NCK1: variants seen among roughly 807,000 people sequenced by gnomAD.
The protein encoded by NCK1 is SH2/SH3 adapter protein NCK1.
Under a neutral mutation model 36.6 loss-of-function variants are expected in NCK1, and 19 were observed. That is an observed-to-expected ratio of 0.52 (90% CI 0.36 to 0.76). The LOEUF is 0.76. NCK1 is among the 30% of genes least tolerant of loss of function. The probability of loss-of-function intolerance (pLI) is 0.00; values close to 1 mark genes in which losing one functional copy is unlikely to be tolerated. For missense variants in NCK1, 358 were observed against 445.6 expected (o/e 0.80, Z 1.77); for synonymous variants, 165 against 156.0 (o/e 1.06, Z -0.43).
intron 1 of NCK1, among the ~76,000 whole-genome samples, chr3:136,863,491 G>A (rs1938309447): frequency 6.6e-6 from 1 of 152,082 alleles, no homozygotes; most frequent in Admixed American, 6.6e-5. Context: ...TCTTGTGGGG[G>A]GTGGAGTCTG....
chr3:136,877,053 A>G (rs1279707001), intron 1 of NCK1, among the ~76,000 whole-genome samples: 1 of 152,210 alleles, frequency 6.6e-6, no homozygotes. Context: ...GGAGAATTAG[A>G]CAAATCCATA....
At chr3:136,875,483 A>G (rs1938740334) in intron 1 of NCK1, among the ~76,000 whole-genome samples, 1 of 152,240 alleles carries the variant, frequency 6.6e-6, no homozygotes, top group Non-Finnish European at 1.5e-5. Context: ...GGAAAACAAA[A>G]AAAGGCAGGG....
chr3:136,901,819 C>T (rs1939548386), intron 1 of NCK1, among the ~76,000 whole-genome samples: 1 of 151,974 alleles, frequency 6.6e-6, no homozygotes, highest in Admixed American at 6.6e-5. Flanking sequence ...TTCAAAAAAT[C>T]AGCTTTTTGT....
chr3:136,921,914 G>T (rs954128532), intron 1 of NCK1, among the ~76,000 whole-genome samples: 1 of 152,190 alleles, frequency 6.6e-6, no homozygotes, highest in African/African-American at 2.4e-5. Context: ...CTCCTGAGTA[G>T]CTGGGACTAC....
intron 1 of NCK1, among the ~76,000 whole-genome samples, chr3:136,889,989 G>T (rs757488040): frequency 6.6e-6 from 1 of 152,208 alleles, no homozygotes; most frequent in African/African-American, 2.4e-5. Flanking sequence ...CCAGTCCTGC[G>T]CTGTGTGCCC....
At chr3:136,917,242 T>TTG in intron 1 of NCK1, among the ~76,000 whole-genome samples, 2 of 151,736 alleles carry the variant, frequency 1.3e-5, no homozygotes, top group East Asian at 3.9e-4. Context: ...CTTTTTTTTT[T>TTG]TTTTTGCTTA....
intron 1 of NCK1, among the ~76,000 whole-genome samples, chr3:136,869,735 A>G (rs1404361052): frequency 1.3e-5 from 2 of 152,150 alleles, no homozygotes; most frequent in East Asian, 3.9e-4. Context: ...AGCATAGAAG[A>G]CTATCAGGTA....
intron 1 of NCK1, among the ~76,000 whole-genome samples, chr3:136,880,815 C>G (rs971999900): frequency 3.3e-5 from 5 of 152,074 alleles, no homozygotes; most frequent in Non-Finnish European, 7.4e-5. Flanking sequence ...CACTTCTTTG[C>G]CCTGGCTGGT....
chr3:136,914,373 C>G (rs1000309465), intron 1 of NCK1, among the ~76,000 whole-genome samples: 1 of 152,184 alleles, frequency 6.6e-6, no homozygotes, highest in Non-Finnish European at 1.5e-5. Context: ...CTGGAACTTG[C>G]AAGCCTTAGA....
At chr3:136,907,211 C>G (rs1169979858) in intron 1 of NCK1, among the ~76,000 whole-genome samples, 1 of 152,174 alleles carries the variant, frequency 6.6e-6, no homozygotes, top group Non-Finnish European at 1.5e-5. Flanking sequence ...GGGTCCCCCT[C>G]TGCTGCAGTG....
At chr3:136,868,511 A>G (rs576484209) in intron 1 of NCK1, among the ~76,000 whole-genome samples, 1 of 151,204 alleles carries the variant, frequency 6.6e-6, no homozygotes, top group South Asian at 2.1e-4. Context: ...TATTTTTAGC[A>G]GAGACAGGGT....
At position 136,950,691 on chromosome 3, in the gene NCK1, C is replaced by T. The variant is rs752742130; in HGVS notation, c.*2238C>T. Among the ~76,000 whole-genome samples, 3 of 152,106 alleles carry T rather than the reference C, an allele frequency of 2.0e-5. No homozygotes were observed. The highest frequency in any genetic ancestry group is 4.4e-5 in the Non-Finnish European group (3 of 67,996). ...GAAACCAAGTTTCCTTATTCCCAGC[C>T]TGGTGTCTGTATCGTGACACACTAC... On this transcript the variant is annotated 3_prime_UTR_variant, in exon 4 of 4. Coordinates refer to ENST00000481752, the MANE Select transcript of NCK1 (RefSeq NM_001291999.2).
intron 1 of NCK1, among the ~76,000 whole-genome samples, chr3:136,877,907 A>G (rs767628712): frequency 6.6e-6 from 1 of 152,162 alleles, no homozygotes; most frequent in Non-Finnish European, 1.5e-5. Flanking sequence ...GCCCCAAAGT[A>G]GAAGCAACTC....
intron 1 of NCK1, among the ~76,000 whole-genome samples, chr3:136,864,965 G>C (rs1018157803): frequency 7.7e-5 from 8 of 104,462 alleles, no homozygotes; most frequent in Non-Finnish European, 1.2e-4. Flanking sequence ...TCTTTTGTTT[G>C]TTTTTTTTTT....
Position 136,917,589 on chromosome 3 carries a change from A to G in NCK1, c.-18-10395A>G, listed in dbSNP as rs971828429. On this transcript the variant is annotated intron_variant, in intron 1 of 3. Coordinates refer to ENST00000481752, the MANE Select transcript of NCK1 (RefSeq NM_001291999.2). ...CAATTTAGAGATAATAGTAAAAGGG[A>G]AATAAAGGATAGTTCATATCTTACA... Among the ~76,000 whole-genome samples the G allele has an allele frequency of 3.9e-5, 6 of 152,328 alleles. No individual in the cohort carries two copies. The East Asian group carries it at 1.2e-3, about 29-fold the overall frequency.
intron 2 of NCK1, among the ~76,000 whole-genome samples, chr3:136,937,403 T>G (rs560390297): frequency 6.6e-6 from 1 of 152,322 alleles, no homozygotes; most frequent in East Asian, 1.9e-4. Context: ...GGGAGAGTCC[T>G]CCCACTTGAT....
chr3:136,882,253 A>T lies in NCK1; in HGVS notation c.-19+19900A>T, dbSNP rs149908030. On this transcript the variant is annotated intron_variant, in intron 1 of 3. Coordinates refer to ENST00000481752, the MANE Select transcript of NCK1 (RefSeq NM_001291999.2). ...TGATATCTCTGTGGTTTTGATTTGCATTTCCATAATGGCTAGTGATGATGA... is the reference window on the plus strand; with the variant it reads ...TGATATCTCTGTGGTTTTGATTTGCTTTTCCATAATGGCTAGTGATGATGA... Among the ~76,000 whole-genome samples the T allele has an allele frequency of 3.6e-3, 547 of 152,136 alleles. 3 individuals are homozygous for T. The highest frequency in any genetic ancestry group is 0.01 in the African/African-American group (424 of 41,492).
In NCK1 at chr3:136,949,405, C is replaced by G. The variant is rs889294047; in HGVS notation, c.*952C>G. On this transcript the variant is annotated 3_prime_UTR_variant, in exon 4 of 4. Coordinates refer to ENST00000481752, the MANE Select transcript of NCK1 (RefSeq NM_001291999.2). ...GAATGGTATTACCTATTTTCATTTCCTCTTTTCAGCTTTAAGTTTTGTTGA... is the reference window on the plus strand; with the variant it reads ...GAATGGTATTACCTATTTTCATTTCGTCTTTTCAGCTTTAAGTTTTGTTGA... 3.8e-5 allele frequency: 3 copies of G among 79,558 alleles called. No individual in the cohort carries two copies. Among genetic ancestry groups the G allele is most frequent in the Non-Finnish European group, 8.5e-5 (3 of 35,242 alleles). The allele number at this position is 79,558 out of a possible 1,614,324, so 4.9% of individuals were successfully genotyped here. A position where few individuals can be genotyped will look rare whatever the true frequency, so the allele number is the denominator to read the frequency against.
intron 1 of NCK1, among the ~76,000 whole-genome samples, chr3:136,871,119 G>C (rs934127595): frequency 6.6e-6 from 1 of 151,910 alleles, no homozygotes; most frequent in African/African-American, 2.4e-5. Flanking sequence ...TGTTTAGTCT[G>C]GGCATGGTGG....
Sources: allele counts gnomAD v4.1 joint callset (sites outside exome capture counted in the v4.1 genomes callset), GRCh38; gene constraint gnomAD v4.1.1; transcripts MANE v1.5; gene names NCBI Gene and HGNC (gene_info 2026-07-23, HGNC 2026-07-21).